The following SUGCT variants were observed in gnomAD, a reference collection of about 807,000 sequenced individuals.
SUGCT encodes the protein succinyl-CoA:glutarate CoA-transferase.
Under a neutral mutation model 55.0 loss-of-function variants are expected in SUGCT, and 41 were observed. That is an observed-to-expected ratio of 0.74 (90% confidence interval 0.58 to 0.97). The LOEUF (loss-of-function observed/expected upper bound fraction) is 0.97, where lower values mean the gene tolerates loss of function less well. Ranked by LOEUF, SUGCT falls within the 50% of genes least tolerant of loss-of-function variation. The probability of loss-of-function intolerance (pLI) is 0.00; values close to 1 mark genes in which losing one functional copy is unlikely to be tolerated. For missense variants in SUGCT, 568 were observed against 547.8 expected, an observed-to-expected ratio of 1.04 and a Z score of -0.37; for synonymous variants, 187 against 200.4, an observed-to-expected ratio of 0.93 and a Z score of 0.56.
At chr7:40,542,696 T>C (rs1447308039) in intron 12 of SUGCT, among the ~76,000 whole-genome samples, 2 of 152,216 alleles carry the variant, frequency 1.3e-5, no homozygotes, top group African/African-American at 4.8e-5. Context: ...CTTTTAACTC[T>C]GTTAGAGCTA....
intron 12 of SUGCT, among the ~76,000 whole-genome samples, chr7:40,735,777 C>G (rs1787121879): frequency 1.3e-5 from 2 of 152,128 alleles, no homozygotes; most frequent in South Asian, 4.1e-4. Flanking sequence ...AGTAGATATT[C>G]TAACCTGTTT....
chr7:40,635,066 A>G (rs1303621772), intron 12 of SUGCT, among the ~76,000 whole-genome samples: 1 of 152,172 alleles, frequency 6.6e-6, no homozygotes, highest in Non-Finnish European at 1.5e-5. Flanking sequence ...CAGGTGGATC[A>G]CTTAAGGCCA....
At chr7:40,401,779 C>T (rs1243236809) in intron 9 of SUGCT, among the ~76,000 whole-genome samples, 1 of 152,120 alleles carries the variant, frequency 6.6e-6, no homozygotes, top group African/African-American at 2.4e-5. Flanking sequence ...AGCTATAAAT[C>T]AAGACAAGAA....
At chr7:41,031,325 T>C in the SUGCT span, among the ~76,000 whole-genome samples, 8 of 152,332 alleles carry the variant, frequency 5.3e-5, no homozygotes, top group African/African-American at 1.9e-4. Flanking sequence ...CTGGGCTCTC[T>C]GATTTATGAA....
intron 9 of SUGCT, among the ~76,000 whole-genome samples, chr7:40,377,135 T>C (rs908586811): frequency 2.8e-4 from 3 of 10,806 alleles, no homozygotes; most frequent in Non-Finnish European, 9.6e-4. Context: ...TTCCTCTTTC[T>C]TTCTTTCTTT....
chr7:40,461,903 G>A (rs950984451), intron 11 of SUGCT, among the ~76,000 whole-genome samples: 3 of 152,194 alleles, frequency 2.0e-5, no homozygotes, highest in East Asian at 1.9e-4. Flanking sequence ...CAGGCACATA[G>A]TGAATAGTTA....
At chr7:40,494,658 G>T (rs532415221) in intron 11 of SUGCT, among the ~76,000 whole-genome samples, 1 of 152,276 alleles carries the variant, frequency 6.6e-6, no homozygotes, top group East Asian at 1.9e-4. Flanking sequence ...TTGGTGTATA[G>T]TGGGCAATCA....
intron 6 of SUGCT, 91 bp downstream of exon 6, chr7:40,195,151 T>C: frequency 2.1e-6 from 3 of 1,397,732 alleles, no homozygotes; most frequent in Non-Finnish European, 2.9e-6. Context: ...GGCTTTTTTT[T>C]TTTTTGGAAG....
At chr7:40,643,833 G>T (rs1218595619) in intron 12 of SUGCT, among the ~76,000 whole-genome samples, 1 of 152,198 alleles carries the variant, frequency 6.6e-6, no homozygotes, top group Non-Finnish European at 1.5e-5. Context: ...CCAAAGGAAA[G>T]GGGGGACTTA....
At chr7:40,274,804 T>C (rs1792354618) in intron 8 of SUGCT, 148 bp downstream of exon 8, 1 of 818,432 alleles carries the variant, frequency 1.2e-6, no homozygotes, top group South Asian at 1.9e-5. Context: ...GATGTACTTG[T>C]TTCTTTTCTT....
At chr7:40,902,365 G>A in the SUGCT span, among the ~76,000 whole-genome samples, 1 of 151,986 alleles carries the variant, frequency 6.6e-6, no homozygotes, top group African/African-American at 2.4e-5. Flanking sequence ...GGATCACGAG[G>A]TCCGGAGACT....
chr7:40,372,377 TAAAAA>T (rs1220771671), intron 9 of SUGCT, among the ~76,000 whole-genome samples: 1 of 152,072 alleles, frequency 6.6e-6, no homozygotes, highest in Non-Finnish European at 1.5e-5. Context: ...AAACTAATTG[TAAAAA>T]TGTACTGAAT....
At chr7:40,526,972 A>AT (rs1793831970) in intron 12 of SUGCT, among the ~76,000 whole-genome samples, 1 of 152,102 alleles carries the variant, frequency 6.6e-6, no homozygotes, top group South Asian at 2.1e-4. Flanking sequence ...CTTAATACTA[A>AT]TTTTTTAAGC....
At chr7:40,631,632 A>G (rs1177786554) in intron 12 of SUGCT, among the ~76,000 whole-genome samples, 1 of 152,192 alleles carries the variant, frequency 6.6e-6, no homozygotes, top group East Asian at 1.9e-4. Context: ...AATGCCACAG[A>G]CTGCTTAGAT....
intron 12 of SUGCT, among the ~76,000 whole-genome samples, chr7:40,560,778 A>G (rs1795792861): frequency 6.6e-6 from 1 of 152,252 alleles, no homozygotes; most frequent in Non-Finnish European, 1.5e-5. Flanking sequence ...TACTAGAACT[A>G]AGAAGACTAG....
chr7:40,919,825 G>A, the SUGCT span, among the ~76,000 whole-genome samples: 118 of 152,176 alleles, frequency 7.8e-4, no homozygotes, highest in Non-Finnish European at 1.5e-3. Flanking sequence ...AGTCCTACAT[G>A]TTCAGAACAC....
chr7:40,695,325 A>G (rs1312342931), intron 12 of SUGCT, among the ~76,000 whole-genome samples: 1 of 151,676 alleles, frequency 6.6e-6, no homozygotes, highest in African/African-American at 2.4e-5. Flanking sequence ...AGACTCCTGC[A>G]TAGCTGGGAC....
At chr7:40,222,142 G>A (rs1390907308) in intron 6 of SUGCT, among the ~76,000 whole-genome samples, 1 of 152,226 alleles carries the variant, frequency 6.6e-6, no homozygotes, top group African/African-American at 2.4e-5. Context: ...GGGCTGAGGA[G>A]GGACTTAGAA....
At chr7:40,443,087 G>A (rs1788610198) in intron 9 of SUGCT, among the ~76,000 whole-genome samples, 1 of 152,182 alleles carries the variant, frequency 6.6e-6, no homozygotes, top group Non-Finnish European at 1.5e-5. Context: ...ATTCCATGGT[G>A]TATATGGGCC....
Sources: gnomAD v4.1 joint callset for allele counts (sites outside exome capture counted in the v4.1 genomes callset) on GRCh38, gnomAD v4.1.1 for gene constraint, MANE v1.5 for transcripts, NCBI Gene and HGNC (gene_info 2026-07-23, HGNC 2026-07-21) for gene names.